Variants in LTBP1 observed in about 807,000 individuals in gnomAD.
The protein encoded by LTBP1 is latent transforming growth factor beta binding protein 1.
Under a neutral mutation model 207.6 loss-of-function variants are expected in LTBP1, and 129 were observed. That is an observed-to-expected ratio of 0.62 (90% CI 0.54 to 0.72). The LOEUF (loss-of-function observed/expected upper bound fraction) is 0.72. Among genes scored for constraint, LTBP1 ranks in the 30% least tolerant of loss-of-function variants. LTBP1 has a pLI of 0.00. For synonymous variants in LTBP1, 963 were observed against 833.7 expected, an observed-to-expected ratio of 1.16 and a Z score of -2.67; for missense variants, 2,281 against 2,217.2, an observed-to-expected ratio of 1.03 and a Z score of -0.58.
chr2:33,186,703 C>T (rs1558776759), intron 5 of LTBP1, among the ~76,000 whole-genome samples, 153 bp from the exon 6 acceptor site: 1 of 152,162 alleles, frequency 6.6e-6, no homozygotes, highest in East Asian at 1.9e-4. Context: ...CTACTTTTGG[C>T]ATAGCGAGTT....
At chr2:33,272,103 G>A (rs17012720) in intron 15 of LTBP1, among the ~76,000 whole-genome samples, 26,283 of 152,168 alleles carry the variant, frequency 0.17, 3,909 homozygotes, top group African/African-American at 0.41. Flanking sequence ...TCCTTTTTCA[G>A]ATGACTTGCA....
chr2:33,241,807 A>T (rs1256206494), intron 9 of LTBP1, among the ~76,000 whole-genome samples: 9 of 152,198 alleles, frequency 5.9e-5, no homozygotes, highest in African/African-American at 2.2e-4. Context: ...GTAAGCTCCA[A>T]CTGGACTTGG....
At chr2:33,056,607 A>C (rs976751443) in intron 3 of LTBP1, 1 of 294,474 alleles carries the variant, frequency 3.4e-6, no homozygotes, top group African/African-American at 2.2e-5. Context: ...TATAGTTCTT[A>C]AAGGTGGCGT....
chr2:33,243,830 T>C, intron 10 of LTBP1, 46 bp downstream of exon 10: 1 of 1,609,058 alleles, frequency 6.2e-7, no homozygotes. Context: ...TAATTGTCTT[T>C]GGGGTTTTTC....
chr2:33,181,689 G>A (rs4670860), intron 5 of LTBP1, among the ~76,000 whole-genome samples: 78,842 of 152,118 alleles, frequency 0.52, 20,654 homozygotes, highest in African/African-American at 0.53. Flanking sequence ...CCAGCATTCT[G>A]CAGTTCACCT....
Position 33,300,529 on chromosome 2 carries a change from G to A in LTBP1, c.3314G>A (p.Cys1105Tyr). 1.9e-6 allele frequency: 3 copies of A among 1,613,846 alleles called. No individual in the cohort carries two copies. In the East Asian group the frequency reaches 6.7e-5, roughly 36 times the overall value. The change falls in exon 21 of 34, where the codon TGT (cysteine) becomes TAT (tyrosine). Residue 1105 changes from cysteine (C) to tyrosine (Y), a missense_variant. By Grantham distance (194) the Cys-to-Tyr change is radical. Transcript: ENST00000404816. ...KNTEGSFRCT[C>Y]GQGYQLSAAK... ...ACCGAGGGCTCCTTCAGGTGCACCT[G>A]TGGACAGGGGTACCAGCTGTCGGCA...
chr2:33,002,622 C>A (rs1259915572), intron 2 of LTBP1, among the ~76,000 whole-genome samples: 1 of 151,856 alleles, frequency 6.6e-6, no homozygotes, highest in Non-Finnish European at 1.5e-5. Flanking sequence ...GGCATGATGC[C>A]CTGAAAAAAC....
intron 7 of LTBP1, among the ~76,000 whole-genome samples, chr2:33,199,227 C>A (rs1337316546): frequency 6.6e-6 from 1 of 152,068 alleles, no homozygotes; most frequent in African/African-American, 2.4e-5. Context: ...GTTTCTTAAT[C>A]CTGAGTTCTA....
chr2:33,266,551 GT>G (rs2093183319), intron 15 of LTBP1, among the ~76,000 whole-genome samples: 1 of 152,114 alleles, frequency 6.6e-6, no homozygotes, highest in Admixed American at 6.5e-5. Flanking sequence ...ATCAGATGGT[GT>G]TTTTCTAGGC....
chr2:33,223,822 A>G (rs950299039), intron 9 of LTBP1, among the ~76,000 whole-genome samples: 4 of 152,158 alleles, frequency 2.6e-5, no homozygotes, highest in Non-Finnish European at 5.9e-5. Flanking sequence ...TAGAAACATG[A>G]GTGTGTTTAG....
chr2:33,102,342 T>C, intron 3 of LTBP1, among the ~76,000 whole-genome samples: 1 of 152,184 alleles, frequency 6.6e-6, no homozygotes, highest in East Asian at 1.9e-4. Flanking sequence ...TCCCAGTAGA[T>C]GCCAGGCTGC....
chr2:32,998,340 A>T (rs1290981140), intron 2 of LTBP1, among the ~76,000 whole-genome samples: 4 of 151,440 alleles, frequency 2.6e-5, no homozygotes, highest in Non-Finnish European at 5.9e-5. Context: ...ACATGGTGAA[A>T]CCCTGTCTCT....
At chr2:33,057,008 C>A (rs139411523) in intron 3 of LTBP1, among the ~76,000 whole-genome samples, 1 of 152,168 alleles carries the variant, frequency 6.6e-6, no homozygotes, top group African/African-American at 2.4e-5. Flanking sequence ...CACAAAAGTT[C>A]TCCACGTCCC....
intron 31 of LTBP1, among the ~76,000 whole-genome samples, chr2:33,383,441 T>C (rs1321001316): frequency 6.6e-6 from 1 of 152,240 alleles, no homozygotes; most frequent in African/African-American, 2.4e-5. Flanking sequence ...CTCCCTCTGT[T>C]TCCTAGTTGT....
At chr2:33,216,172 T>A (rs2090683803) in intron 7 of LTBP1, among the ~76,000 whole-genome samples, 1 of 152,156 alleles carries the variant, frequency 6.6e-6, no homozygotes, top group African/African-American at 2.4e-5. Context: ...ACATACGCAT[T>A]TAACAAAAAT....
chr2:33,248,263 A>G (rs531280626), intron 10 of LTBP1, among the ~76,000 whole-genome samples: 5 of 152,366 alleles, frequency 3.3e-5, no homozygotes, highest in South Asian at 2.1e-4. Flanking sequence ...GAATTATCCC[A>G]TATAATACTT....
At chr2:33,283,445 T>G (rs2093602919) in intron 19 of LTBP1, among the ~76,000 whole-genome samples, 1 of 139,328 alleles carries the variant, frequency 7.2e-6, no homozygotes, top group South Asian at 2.5e-4. Flanking sequence ...TTTTTTTTTT[T>G]TTTTTTTTTG....
intron 5 of LTBP1, among the ~76,000 whole-genome samples, chr2:33,154,790 C>T (rs74530004): frequency 0.033 from 5,051 of 152,196 alleles, 122 homozygotes; most frequent in Middle Eastern, 0.15. Flanking sequence ...AGGCCGGGCG[C>T]GGTGGTTCAC....
At chr2:33,253,129 T>C (rs750523639) in intron 11 of LTBP1, among the ~76,000 whole-genome samples, 6 of 152,192 alleles carry the variant, frequency 3.9e-5, no homozygotes, top group Non-Finnish European at 8.8e-5. Flanking sequence ...GAGTCTGATA[T>C]TTAAGTGTAG....
Sources: gnomAD v4.1 joint callset for allele counts (sites outside exome capture counted in the v4.1 genomes callset) on GRCh38, gnomAD v4.1.1 for gene constraint, MANE v1.5 for transcripts, NCBI Gene and HGNC (gene_info 2026-07-23, HGNC 2026-07-21) for gene names.